The following NWD1 variants were observed in gnomAD, a reference collection of about 807,000 sequenced individuals.
The protein encoded by NWD1 is NACHT domain- and WD repeat-containing protein 1.
In NWD1, 129 loss-of-function variants were observed where a neutral mutation model predicts 135.1. That is an observed-to-expected ratio of 0.96 (90% CI 0.83 to 1.11). The LOEUF is 1.11. NWD1 is among the 50% of genes least tolerant of loss of function. The pLI is 0.00. For missense variants in NWD1, 1,740 were observed against 1,851.3 expected, an observed-to-expected ratio of 0.94 and a Z score of 1.10; for synonymous variants, 773 against 786.0, an observed-to-expected ratio of 0.98 and a Z score of 0.28.
chr19:16,806,379 C>G (rs913324074), intron 17 of NWD1, among the ~76,000 whole-genome samples: 1 of 152,136 alleles, frequency 6.6e-6, no homozygotes, highest in Non-Finnish European at 1.5e-5. Flanking sequence ...TGAAATGGCC[C>G]CAGTCAATGA....
chr19:16,810,492 G>T (rs188270606), intron 18 of NWD1, among the ~76,000 whole-genome samples: 1 of 151,618 alleles, frequency 6.6e-6, no homozygotes, highest in East Asian at 1.9e-4. Flanking sequence ...TCTAGATTAG[G>T]CACAGCAACT....
chr19:16,803,618 G>A lies in NWD1; in HGVS notation c.3736+3456G>A, dbSNP rs565972073. 3.3e-5 allele frequency among the ~76,000 whole-genome samples: 5 copies of A among 152,096 alleles called. No homozygotes were observed. In the East Asian group the frequency reaches 9.7e-4, roughly 29 times the overall value. ...AACACGCCTATAACTTCAATCAGGT[G>A]GAAACTAGCTAGTCATGGCCAGGTG... On this transcript the variant is annotated intron_variant, in intron 17 of 18. Coordinates refer to ENST00000524140, the MANE Select transcript of NWD1 (RefSeq NM_001007525.5).
At chr19:16,729,423 C>T (rs1415707029) in intron 2 of NWD1, among the ~76,000 whole-genome samples, 1 of 151,994 alleles carries the variant, frequency 6.6e-6, no homozygotes, top group Non-Finnish European at 1.5e-5. Context: ...TATTCTGATC[C>T]TTTGGGTCTC....
At chr19:16,786,300 G>A (rs1005743908) in intron 12 of NWD1, among the ~76,000 whole-genome samples, 49 of 151,990 alleles carry the variant, frequency 3.2e-4, no homozygotes, top group African/African-American at 1.1e-3. Flanking sequence ...GAGCCACCTG[G>A]CCCAGTCATA....
At chr19:16,809,503 C>G (rs1415190706) in intron 18 of NWD1, among the ~76,000 whole-genome samples, 2 of 151,496 alleles carry the variant, frequency 1.3e-5, no homozygotes, top group Non-Finnish European at 2.9e-5. Flanking sequence ...CTGCTTCACT[C>G]TCTTCACCCT....
At chr19:16,753,554 C>T (rs904410366) in intron 6 of NWD1, among the ~76,000 whole-genome samples, 2 of 152,158 alleles carry the variant, frequency 1.3e-5, no homozygotes, top group African/African-American at 2.4e-5. Flanking sequence ...GATAGTTCTC[C>T]ACGCCCCCCA....
rs577591267 is a variant in NWD1 at position 16,787,291 on chromosome 19, TA to T, written c.2732-1689del. Among the ~76,000 whole-genome samples the T allele has an allele frequency of 3.5e-3, 529 of 152,218 alleles. 5 individuals are homozygous for T. The highest frequency in any genetic ancestry group is 0.012 in the African/African-American group (493 of 41,534). Reference sequence around the variant, plus strand: ...ACAGGTGCATGCCACCCCACCTGGCTAATTATTTTTTTGCAAGATTATAAAA... The same window carrying T: ...ACAGGTGCATGCCACCCCACCTGGCTATTATTTTTTTGCAAGATTATAAAA... On this transcript the variant is annotated intron_variant, in intron 12 of 18. Coordinates refer to ENST00000524140, the MANE Select transcript of NWD1 (RefSeq NM_001007525.5).
chr19:16,729,794 G>T (rs1178042314), intron 2 of NWD1, among the ~76,000 whole-genome samples: 1 of 150,766 alleles, frequency 6.6e-6, no homozygotes, highest in Admixed American at 6.7e-5. Flanking sequence ...CCTTGAATCT[G>T]GTAGGCGGAG....
In NWD1 at chr19:16,788,930, A is replaced by G; in HGVS notation, c.2732-52A>G. The G allele has an allele frequency of 2.2e-6, 3 of 1,349,628 alleles. 1 individual carries two copies. The highest frequency in any genetic ancestry group is 2.4e-5 in the South Asian group (2 of 85,094). The allele number at this position is 1,349,628 out of a possible 1,614,324, so 83.6% of individuals were successfully genotyped here. A position where few individuals can be genotyped will look rare whatever the true frequency, so the allele number is the denominator to read the frequency against. ...GCTGACAAGCATTTTAATAGTTGCA[A>G]GGCCAAAATGTTCCCAGCTAATATA... On this transcript the variant is annotated intron_variant, in intron 12 of 18. Coordinates refer to ENST00000524140, the MANE Select transcript of NWD1 (RefSeq NM_001007525.5).
intron 12 of NWD1, 47 bp downstream of exon 12, chr19:16,779,512 G>A (rs757654810): frequency 6.3e-7 from 1 of 1,596,108 alleles, no homozygotes. Context: ...ATAGTGAAAA[G>A]TTGGTTCTCA....
intron 4 of NWD1, among the ~76,000 whole-genome samples, chr19:16,740,366 C>T (rs936393526): frequency 6.6e-6 from 1 of 151,956 alleles, no homozygotes; most frequent in Non-Finnish European, 1.5e-5. Flanking sequence ...GATGGAGTCT[C>T]ACTCTGTCAC....
intron 12 of NWD1, among the ~76,000 whole-genome samples, chr19:16,785,073 G>A (rs1371517991): frequency 1.3e-5 from 2 of 152,052 alleles, no homozygotes; most frequent in African/African-American, 2.4e-5. Context: ...TGGTGGCCAG[G>A]GGTTAGGGGA....
In NWD1 at chr19:16,789,027, A is replaced by T. The variant is rs2608737; in HGVS notation, c.2777A>T (p.Asn926Ile). ...VKIFAKGTLA[N>I]SASKDYTLHL... ...ATATTTGCCAAAGGGACCCTCGCCA[A>T]CTCTGCTTCAAAGGATTACACGCTG... The change falls in exon 13 of 19, where the codon AAC (asparagine) becomes ATC (isoleucine). Residue 926 changes from asparagine (N) to isoleucine (I), a missense_variant. Asn to Ile is a moderately radical substitution (Grantham distance 149). Transcript: ENST00000524140. 1 allele frequency: 1,612,643 copies of T among 1,612,798 alleles called. 806,244 individuals are homozygous for T. Among genetic ancestry groups the T allele is most frequent in the Middle Eastern group, 1 (5,168 of 5,168 alleles).
chr19:16,779,230 C>G, intron 11 of NWD1, 113 bp from the exon 12 acceptor site: 2 of 1,248,776 alleles, frequency 1.6e-6, no homozygotes, highest in Non-Finnish European at 2.3e-6. Context: ...GACCAAATCT[C>G]TCTGTGCCTC....
intron 18 of NWD1, among the ~76,000 whole-genome samples, chr19:16,809,847 G>A (rs750510819): frequency 1.3e-5 from 2 of 151,890 alleles, no homozygotes; most frequent in African/African-American, 2.4e-5. Flanking sequence ...ATGAGCCACC[G>A]TGCCTGGCTG....
intron 10 of NWD1, among the ~76,000 whole-genome samples, chr19:16,766,430 T>C (rs1969226360): frequency 6.6e-6 from 1 of 152,108 alleles, no homozygotes; most frequent in African/African-American, 2.4e-5. Flanking sequence ...AAAAACTTAT[T>C]TCTAGCTCCC....
intron 2 of NWD1, among the ~76,000 whole-genome samples, chr19:16,730,705 A>G (rs1256178762): frequency 1.3e-5 from 2 of 152,050 alleles, no homozygotes; most frequent in African/African-American, 4.8e-5. Context: ...TGATGGAGTG[A>G]GACCTGTCCC....
At chr19:16,753,150 C>T (rs372645545) in intron 6 of NWD1, among the ~76,000 whole-genome samples, 4 of 152,280 alleles carry the variant, frequency 2.6e-5, no homozygotes, top group Middle Eastern at 6.8e-3. Context: ...CTCTGGGGTC[C>T]TCTCTGCACA....
At chr19:16,793,078 A>AAG (rs1970302788) in intron 14 of NWD1, among the ~76,000 whole-genome samples, 1 of 151,736 alleles carries the variant, frequency 6.6e-6, no homozygotes, top group Admixed American at 6.6e-5. Context: ...AAAAGAAAAG[A>AAG]AAAGAAGAAG....
Sources: gnomAD v4.1 joint callset for allele counts (sites outside exome capture counted in the v4.1 genomes callset) on GRCh38, gnomAD v4.1.1 for gene constraint, MANE v1.5 for transcripts, NCBI Gene and HGNC (gene_info 2026-07-23, HGNC 2026-07-21) for gene names.